ADARB2: variants seen among roughly 807,000 people sequenced by gnomAD.
ADARB2 encodes the protein inactive double-stranded RNA-specific editase B2.
ADARB2 carries 25 observed loss-of-function variants against 62.2 expected under a neutral mutation model. The observed-to-expected ratio is 0.40, with a 90% CI of 0.29 to 0.56. The LOEUF (loss-of-function observed/expected upper bound fraction) is 0.56. Among genes scored for constraint, ADARB2 ranks in the 20% least tolerant of loss-of-function variants. The pLI is 0.43. For missense variants in ADARB2, 1,071 were observed against 1,077.4 expected (o/e 0.99, Z 0.08); for synonymous variants, 572 against 500.8 (o/e 1.14, Z -1.90).
intron 3 of ADARB2, among the ~76,000 whole-genome samples, chr10:1,349,895 T>C (rs557706571): frequency 2.0e-5 from 3 of 152,202 alleles, no homozygotes; most frequent in South Asian, 2.1e-4. Flanking sequence ...GGCAGGTCAA[T>C]TGTGGGGACG....
chr10:1,253,141 A>T (rs1323235749), intron 4 of ADARB2, among the ~76,000 whole-genome samples: 1 of 152,190 alleles, frequency 6.6e-6, no homozygotes, highest in Non-Finnish European at 1.5e-5. Flanking sequence ...TAAAGAAAAT[A>T]ATGCGAAGTT....
At chr10:1,434,685 C>T (rs12263263) in intron 1 of ADARB2, among the ~76,000 whole-genome samples, 5,604 of 152,248 alleles carry the variant, frequency 0.037, 345 homozygotes, top group African/African-American at 0.13. Context: ...GTAATCACCC[C>T]GGCACCTGGA....
At chr10:1,634,108 C>T (rs1386897581) in intron 1 of ADARB2, among the ~76,000 whole-genome samples, 1 of 152,114 alleles carries the variant, frequency 6.6e-6, no homozygotes, top group Non-Finnish European at 1.5e-5. Context: ...CTGCCCTCTG[C>T]GCCTGTCCCC....
rs138542242 is a variant in ADARB2 at position 1,411,588 on chromosome 10, G to A, written c.101-32428C>T. On this transcript the variant is annotated intron_variant, in intron 1 of 9. Transcript: ENST00000381312. ...CAGGTTAGCTTCACTAAAGCGACAG[G>A]CACCACAGATGTGGTCCTGGGTGGG... 7.1e-3 allele frequency among the ~76,000 whole-genome samples: 1,085 copies of A among 152,338 alleles called. 10 individuals carry two copies. Among genetic ancestry groups the A allele is most frequent in the Middle Eastern group, 0.017 (5 of 294 alleles).
chr10:1,457,128 A>G (rs2131905536), intron 1 of ADARB2, among the ~76,000 whole-genome samples: 1 of 152,208 alleles, frequency 6.6e-6, no homozygotes, highest in East Asian at 1.9e-4. Context: ...TTCATCCTAA[A>G]TGATACATTT....
chr10:1,606,387 T>A (rs3849978), intron 1 of ADARB2, among the ~76,000 whole-genome samples: 3 of 152,096 alleles, frequency 2.0e-5, no homozygotes, highest in Non-Finnish European at 4.4e-5. Flanking sequence ...GTGAGGAGTG[T>A]GAAAGAATGC....
intron 3 of ADARB2, among the ~76,000 whole-genome samples, chr10:1,362,012 C>T (rs574294255): frequency 1.3e-5 from 2 of 152,364 alleles, no homozygotes; most frequent in East Asian, 1.9e-4. Context: ...TTGCATAAAT[C>T]AGCCATTGCA....
At position 1,257,368 on chromosome 10, in the gene ADARB2, C is replaced by T. The variant is rs143289203; in HGVS notation, c.1192+13587G>A. Among the ~76,000 whole-genome samples, 7 of 152,332 alleles carry T rather than the reference C, an allele frequency of 4.6e-5. No homozygotes were observed. The East Asian group carries it at 1.2e-3, about 25-fold the overall frequency. On this transcript the variant is annotated intron_variant, in intron 4 of 9. Coordinates refer to ENST00000381312, the MANE Select transcript of ADARB2 (RefSeq NM_018702.4). ...GTCATGGACTGGCTCCTCCCTGAGC[C>T]ACCTGTTGCCAGGATGGCCCCAAAG...
At chr10:1,427,417 A>G (rs1279875455) in intron 1 of ADARB2, among the ~76,000 whole-genome samples, 1 of 152,266 alleles carries the variant, frequency 6.6e-6, no homozygotes, top group Non-Finnish European at 1.5e-5. Flanking sequence ...GGCAAAAGAC[A>G]AGAAAAGATG....
intron 8 of ADARB2, among the ~76,000 whole-genome samples, chr10:1,185,258 C>T (rs1316640206): frequency 5.3e-5 from 8 of 152,232 alleles, no homozygotes; most frequent in African/African-American, 9.6e-5. Context: ...GCTGCACCTG[C>T]GTCAACCTTC....
chr10:1,715,019 C>T (rs1382030928), intron 1 of ADARB2, among the ~76,000 whole-genome samples: 2 of 128,442 alleles, frequency 1.6e-5, no homozygotes, highest in South Asian at 2.8e-4. Flanking sequence ...CACCCCACAA[C>T]AGTCCCCGGT....
intron 1 of ADARB2, among the ~76,000 whole-genome samples, chr10:1,507,039 T>C (rs1831861361): frequency 6.6e-6 from 1 of 152,160 alleles, no homozygotes; most frequent in African/African-American, 2.4e-5. Flanking sequence ...GGGACCAACG[T>C]CCACTGCCTA....
chr10:1,440,118 G>A (rs953195121), intron 1 of ADARB2, among the ~76,000 whole-genome samples: 3 of 134,278 alleles, frequency 2.2e-5, no homozygotes, highest in Non-Finnish European at 4.8e-5. Flanking sequence ...GGCTCCTCAT[G>A]ATGGGGCTCC....
At position 1,227,420 on chromosome 10, in the gene ADARB2, C is replaced by T. The variant is rs180811519; in HGVS notation, c.1513+6274G>A. ...GTGCACTGCACCCAGTGTCCTGCAC[C>T]TACTGTCTGGCACTCCCCAGTGAGA... On this transcript the variant is annotated intron_variant, in intron 6 of 9. Coordinates refer to ENST00000381312, the MANE Select transcript of ADARB2 (RefSeq NM_018702.4). Among the ~76,000 whole-genome samples, 306 of 152,332 alleles carry T rather than the reference C, an allele frequency of 2.0e-3. 3 individuals are homozygous for T. The highest frequency in any genetic ancestry group is 6.7e-3 in the African/African-American group (280 of 41,596).
chr10:1,426,830 A>G lies in ADARB2; in HGVS notation c.101-47670T>C, dbSNP rs890227559. On this transcript the variant is annotated intron_variant, in intron 1 of 9. Coordinates refer to ENST00000381312, the MANE Select transcript of ADARB2 (RefSeq NM_018702.4). The surrounding 1 kb of genome is among the most constrained non-coding windows in gnomAD (Gnocchi z 4.1). ...TTCTATACCCTGCTTCTCCCTTCAG[A>G]CAAGGGGCAGACTCCTAAGAAGGCA... Among the ~76,000 whole-genome samples the G allele has an allele frequency of 2.6e-5, 4 of 152,218 alleles. No individual in the cohort carries two copies. Among genetic ancestry groups the G allele is most frequent in the Admixed American group, 2.6e-4 (4 of 15,288 alleles).
chr10:1,312,410 T>C (rs901061778), intron 3 of ADARB2, among the ~76,000 whole-genome samples: 6 of 152,248 alleles, frequency 3.9e-5, no homozygotes, highest in Non-Finnish European at 5.9e-5. Context: ...GTTATTCTGC[T>C]GTGGCCTGAA....
chr10:1,234,316 T>C (rs188377885), intron 5 of ADARB2, among the ~76,000 whole-genome samples: 2 of 152,030 alleles, frequency 1.3e-5, no homozygotes, highest in Middle Eastern at 3.4e-3. Context: ...TCACACCCCA[T>C]AGTGTGTCTT....
At chr10:1,405,577 A>G (rs962802957) in intron 1 of ADARB2, among the ~76,000 whole-genome samples, 10 of 144,700 alleles carry the variant, frequency 6.9e-5, no homozygotes, top group African/African-American at 2.6e-4. Context: ...GGTTGCAGTG[A>G]GCAGAGATCG....
chr10:1,402,473 T>G (rs1216889889), intron 1 of ADARB2, among the ~76,000 whole-genome samples: 1 of 152,152 alleles, frequency 6.6e-6, no homozygotes, highest in Non-Finnish European at 1.5e-5. Flanking sequence ...AGGAAGCCAC[T>G]TAGCTCACAC....
Sources: gnomAD v4.1 joint callset for allele counts (sites outside exome capture counted in the v4.1 genomes callset) on GRCh38, gnomAD v4.1.1 for gene constraint, Gnocchi (gnomAD v3.1) non-coding constraint, MANE v1.5 for transcripts, NCBI Gene and HGNC (gene_info 2026-07-23, HGNC 2026-07-21) for gene names.